MRO: variants seen among roughly 807,000 people sequenced by gnomAD.
MRO encodes maestro, also known as protein maestro.
Under a neutral mutation model 31.0 loss-of-function variants are expected in MRO, and 28 were observed. The ratio of observed to expected loss-of-function variants is 0.90; its 90% CI spans 0.67 to 1.24. The LOEUF is 1.24. MRO is among the 50% of genes most tolerant of loss of function. The probability of loss-of-function intolerance (pLI) is 0.00; values close to 1 mark genes in which losing one functional copy is unlikely to be tolerated. For synonymous variants in MRO, 108 were observed against 108.4 expected (o/e 1.00, Z 0.02); for missense variants, 332 against 289.2 (o/e 1.15, Z -1.07).
chr18:50,801,376 T>C lies in MRO; in HGVS notation c.558A>G (p.Leu186=). 6.2e-7 allele frequency: 1 copy of C among 1,603,298 alleles called. No homozygotes were observed. The highest frequency in any genetic ancestry group is 8.5e-7 in the Non-Finnish European group (1 of 1,173,712). The change falls in exon 6 of 8, where the codon TTA becomes TTG. Residue 186 remains leucine, a synonymous_variant. Transcript: ENST00000398439. The stretch of plus-strand genomic sequence containing the variant: ...TGGCAACCTGGGGATTTCTGTCCTG[T>C]AAATGGATCAGGAGGGAATCTCGTG... The part of the protein sequence containing the change: ...KQTRDSLLIH[L]QDRNPQVAKA...
At chr18:50,808,555 C>A (rs1162305324) in intron 3 of MRO, among the ~76,000 whole-genome samples, 2 of 151,150 alleles carry the variant, frequency 1.3e-5, no homozygotes, top group Non-Finnish European at 2.9e-5. Context: ...ACTTCCTGGG[C>A]TCAAGCGATC....
intron 4 of MRO, among the ~76,000 whole-genome samples, chr18:50,805,639 T>G (rs1332837836): frequency 6.6e-6 from 1 of 152,074 alleles, no homozygotes; most frequent in African/African-American, 2.4e-5. Flanking sequence ...TGGGGAGAAC[T>G]AGGTACCTTT....
At position 50,815,641 on chromosome 18, in the gene MRO, G is replaced by A. The variant is rs549931729; in HGVS notation, c.-5+3940C>T. On this transcript the variant is annotated intron_variant, in intron 2 of 7. Transcript: ENST00000398439. ...CGATCAAATTATGAATGCATGAAAG[G>A]GGGCAGTTTTGGTGGAAGAAGTTCA... The A allele has an allele frequency of 1.4e-4, 49 of 348,752 alleles. No individual in the cohort carries two copies. The Middle Eastern group carries it at 2.5e-3, about 18-fold the overall frequency. 21.6% of individuals were successfully genotyped at this position (348,752 alleles called of 1,614,324 possible). A position where few individuals can be genotyped will look rare whatever the true frequency, so the allele number is the denominator to read the frequency against.
Position 50,809,388 on chromosome 18 carries a change from G to GCCC in MRO, c.12_13insGGG (p.Arg4_Gln5insGly). 1 of 1,612,978 alleles carries GCCC rather than the reference G, an allele frequency of 6.2e-7. No homozygotes were observed. The highest frequency in any genetic ancestry group is 8.5e-7 in the Non-Finnish European group (1 of 1,179,420). On this transcript the variant is annotated inframe_insertion, in exon 3 of 8. Transcript: ENST00000398439. ...AGGGGCTGGCCCAGGATTCTCCTCT[G>GCCC]TCTTTGGTCCATGGAACTAAAAACA...
chr18:50,801,128 A>G (rs893191512), intron 6 of MRO, among the ~76,000 whole-genome samples: 1 of 152,132 alleles, frequency 6.6e-6, no homozygotes, highest in Non-Finnish European at 1.5e-5. Context: ...TTGCATTGAC[A>G]GGTGCTGGGC....
chr18:50,812,194 T>G (rs1914534414), intron 2 of MRO, among the ~76,000 whole-genome samples: 2 of 152,252 alleles, frequency 1.3e-5, no homozygotes, highest in Non-Finnish European at 2.9e-5. Context: ...TTGTTATTAT[T>G]ACTAGATCCA....
chr18:50,819,110 A>C (rs1229804205), intron 2 of MRO, among the ~76,000 whole-genome samples: 1 of 148,666 alleles, frequency 6.7e-6, no homozygotes, highest in East Asian at 1.9e-4. Flanking sequence ...AGAAAAGAAG[A>C]AACTGGGCTT....
In MRO at chr18:50,809,359, G is replaced by A. The variant is rs1914262469; in HGVS notation, c.42C>T (p.Ser14=). The change falls in exon 3 of 8, where the codon TCC becomes TCT. Residue 14 remains serine, a synonymous_variant. Coordinates refer to ENST00000398439, the MANE Select transcript of MRO (RefSeq NM_031939.6). Reference sequence around the variant, plus strand: ...TCTGCTTGGGCTGGGAAGTAGGGATGGAAAGGGGCTGGCCCAGGATTCTCC... The same window carrying A: ...TCTGCTTGGGCTGGGAAGTAGGGATAGAAAGGGGCTGGCCCAGGATTCTCC... The part of the protein sequence containing the change: ...RQRRILGQPL[S]IPTSQPKQKR... 6.2e-7 allele frequency: 1 copy of A among 1,613,696 alleles called. No homozygotes were observed. The highest frequency in any genetic ancestry group is 8.5e-7 in the Non-Finnish European group (1 of 1,179,886).
In MRO at chr18:50,797,844, T is replaced by G. The variant is rs1237643152; in HGVS notation, c.*1493A>C. On this transcript the variant is annotated 3_prime_UTR_variant, in exon 8 of 8. Coordinates refer to ENST00000398439, the MANE Select transcript of MRO (RefSeq NM_031939.6). ...TCCCTCCTAAAATCTCTTGCTGTCA[T>G]GTTCTTCAGATTCAGAACAGGAAGG... 1 of 152,284 alleles carries G rather than the reference T, an allele frequency of 6.6e-6. No homozygotes were observed. Among genetic ancestry groups the G allele is most frequent in the African/African-American group, 2.4e-5 (1 of 41,452 alleles). 9.4% of individuals were successfully genotyped at this position (152,284 alleles called of 1,614,324 possible). A position where few individuals can be genotyped will look rare whatever the true frequency, so the allele number is the denominator to read the frequency against.
intron 2 of MRO, among the ~76,000 whole-genome samples, chr18:50,819,207 T>G (rs1915173629): frequency 6.6e-6 from 1 of 152,196 alleles, no homozygotes. Flanking sequence ...GTCACTGTGC[T>G]ATAAGCCTAG....
At chr18:50,815,737 A>G (rs1437739737) in intron 2 of MRO, 6 of 451,930 alleles carry the variant, frequency 1.3e-5, no homozygotes, top group African/African-American at 2.0e-5. Context: ...AGGTTCTAAA[A>G]ACAGCAGAAA....
At chr18:50,821,074 T>C (rs141741015), upstream of MRO, among the ~76,000 whole-genome samples, 165 of 152,324 alleles carry the variant, frequency 1.1e-3, 1 homozygote, top group African/African-American at 3.9e-3. Flanking sequence ...GAAATTGAGA[T>C]GTCTTGCTGC....
At chr18:50,809,144 C>CA (rs61728184) in intron 3 of MRO, among the ~76,000 whole-genome samples, 158 bp downstream of exon 3, 1,199 of 98,946 alleles carry the variant, frequency 0.012, 85 homozygotes, top group African/African-American at 0.034. Flanking sequence ...GACTCCGTCT[C>CA]AAAAAAAAAA....
chr18:50,806,369 G>T (rs1158327040), intron 4 of MRO, among the ~76,000 whole-genome samples: 1 of 152,218 alleles, frequency 6.6e-6, no homozygotes, highest in East Asian at 1.9e-4. Context: ...CAAAAAAACA[G>T]AAACCTCTGT....
intron 5 of MRO, among the ~76,000 whole-genome samples, chr18:50,803,541 A>G (rs139181610): frequency 6.6e-6 from 1 of 152,096 alleles, no homozygotes; most frequent in African/African-American, 2.4e-5. Flanking sequence ...ATGACAAACA[A>G]GTCCTCGAAG....
chr18:50,821,663 A>G (rs1024552621), upstream of MRO, among the ~76,000 whole-genome samples: 10 of 152,212 alleles, frequency 6.6e-5, no homozygotes, highest in East Asian at 1.2e-3. Context: ...ACAACAAACT[A>G]TTAATAACCC....
intron 2 of MRO, among the ~76,000 whole-genome samples, chr18:50,809,687 C>T (rs890854856): frequency 2.0e-5 from 3 of 152,178 alleles, no homozygotes; most frequent in Admixed American, 6.5e-5. Context: ...AGAAGTAAAA[C>T]GCAGATTCCC....
chr18:50,820,391 A>T (rs1362459081), upstream of MRO, among the ~76,000 whole-genome samples: 2 of 152,200 alleles, frequency 1.3e-5, no homozygotes, highest in Non-Finnish European at 2.9e-5. Flanking sequence ...AGAATTTAGG[A>T]GCCTCTCTCT....
upstream of MRO, among the ~76,000 whole-genome samples, chr18:50,823,398 A>G (rs1199592238): frequency 6.6e-6 from 1 of 152,236 alleles, no homozygotes; most frequent in Admixed American, 6.5e-5. Context: ...AGGTCTCCTC[A>G]CGCCCAGATG....
Sources: gnomAD v4.1 joint callset for allele counts (sites outside exome capture counted in the v4.1 genomes callset) on GRCh38, gnomAD v4.1.1 for gene constraint, MANE v1.5 for transcripts, NCBI Gene and HGNC (gene_info 2026-07-23, HGNC 2026-07-21) for gene names.